Variants in TENM3 observed in about 807,000 individuals in gnomAD.
TENM3 encodes teneurin-3.
TENM3 carries 63 observed loss-of-function variants against 255.1 expected under a neutral mutation model. The ratio of observed to expected loss-of-function variants is 0.25; its 90% CI spans 0.20 to 0.30. The LOEUF (loss-of-function observed/expected upper bound fraction) is 0.30, where lower values mean the gene tolerates loss of function less well. TENM3 is among the 10% of genes least tolerant of loss of function. The probability of loss-of-function intolerance (pLI) is 1.00; values close to 1 mark genes in which losing one functional copy is unlikely to be tolerated. For missense variants in TENM3, 2,929 were observed against 3,461.1 expected (o/e 0.85, Z 3.86); for synonymous variants, 1,306 against 1,322.3 (o/e 0.99, Z 0.27).
chr4:182,027,234 G>A, the TENM3 span, among the ~76,000 whole-genome samples: 7 of 152,030 alleles, frequency 4.6e-5, no homozygotes, highest in Admixed American at 4.6e-4. Context: ...TTTATTGATG[G>A]CTATTGTAAA....
intron 4 of TENM3, among the ~76,000 whole-genome samples, chr4:182,616,346 G>T (rs557247074): frequency 1.3e-5 from 2 of 149,224 alleles, no homozygotes; most frequent in Admixed American, 1.4e-4. Flanking sequence ...CATAGGAAGG[G>T]GAATATCACA....
the TENM3 span, among the ~76,000 whole-genome samples, chr4:181,589,831 C>A: frequency 7.9e-5 from 12 of 152,164 alleles, no homozygotes; most frequent in Non-Finnish European, 1.5e-5. Flanking sequence ...ATTCTCTCAG[C>A]CTCAACTTCC....
At chr4:181,552,691 G>A in the TENM3 span, among the ~76,000 whole-genome samples, 2 of 152,258 alleles carry the variant, frequency 1.3e-5, no homozygotes, top group East Asian at 3.9e-4. Flanking sequence ...ATGTTCTTCT[G>A]GGTGGTTGAG....
the TENM3 span, among the ~76,000 whole-genome samples, chr4:182,059,745 C>CAAAAAAA: frequency 4.5e-4 from 19 of 42,570 alleles, no homozygotes; most frequent in African/African-American, 1.6e-3. Flanking sequence ...TCTGTCTCTA[C>CAAAAAAA]AAAAAAAAAA....
At chr4:182,335,141 C>T (rs1764019849) in intron 2 of TENM3, among the ~76,000 whole-genome samples, 1 of 151,882 alleles carries the variant, frequency 6.6e-6, no homozygotes, top group Admixed American at 6.6e-5. Flanking sequence ...ATTTTACTCC[C>T]CTGAAACTTC....
Position 182,680,724 on chromosome 4 carries a change from A to C in TENM3, c.1821A>C (p.Glu607Asp), listed in dbSNP as rs758163533. The change falls in exon 10 of 28, where the codon GAA becomes GAC. Residue 607 changes from glutamate (E) to aspartate (D), a missense_variant. Glu to Asp is a conservative substitution (Grantham distance 45, BLOSUM62 2). Transcript: ENST00000511685. Reference sequence around the variant, plus strand: ...CTTGCAACTCAGGATACAAAGGAGAAAGTTGTGAAGAAGGTAAACATGTCA... The same window carrying C: ...CTTGCAACTCAGGATACAAAGGAGACAGTTGTGAAGAAGGTAAACATGTCA... ...SCACNSGYKGESCEEADCIDP... is the reference protein window; with the variant it reads ...SCACNSGYKGDSCEEADCIDP... 27 of 1,563,166 alleles carry C rather than the reference A, an allele frequency of 1.7e-5. No homozygotes were observed. Among genetic ancestry groups the C allele is most frequent in the Non-Finnish European group, 2.2e-5 (26 of 1,157,286 alleles).
At chr4:181,726,215 G>A in the TENM3 span, among the ~76,000 whole-genome samples, 50 of 151,554 alleles carry the variant, frequency 3.3e-4, no homozygotes, top group Admixed American at 2.8e-3. Context: ...AAAATAAAAC[G>A]CACATAATTT....
chr4:182,709,337 G>GT (rs1338884892), intron 12 of TENM3, among the ~76,000 whole-genome samples: 1 of 152,026 alleles, frequency 6.6e-6, no homozygotes, highest in Non-Finnish European at 1.5e-5. Flanking sequence ...ACCCATTTTT[G>GT]TAAGAGTTTT....
chr4:181,970,920 C>A, the TENM3 span, among the ~76,000 whole-genome samples: 1 of 152,132 alleles, frequency 6.6e-6, no homozygotes, highest in East Asian at 1.9e-4. Flanking sequence ...AGCTTTTTTT[C>A]ATGCTACAGT....
the TENM3 span, among the ~76,000 whole-genome samples, chr4:181,574,524 C>CGAG: frequency 4.2e-4 from 62 of 147,836 alleles, no homozygotes; most frequent in Non-Finnish European, 8.2e-4. Context: ...GGCGACAGAG[C>CGAG]GAGACTCCGT....
chr4:181,520,560 C>G, the TENM3 span, among the ~76,000 whole-genome samples: 13 of 151,902 alleles, frequency 8.6e-5, no homozygotes, highest in Non-Finnish European at 1.6e-4. Context: ...ACAAAAAAAC[C>G]TCTAGTTTTT....
chr4:182,354,703 C>T (rs1331395870), intron 3 of TENM3, among the ~76,000 whole-genome samples: 2 of 152,126 alleles, frequency 1.3e-5, no homozygotes, highest in South Asian at 4.1e-4. Flanking sequence ...TTGACGAGAT[C>T]GTTTTCCATA....
At chr4:182,755,560 C>T (rs1374091034) in intron 22 of TENM3, among the ~76,000 whole-genome samples, 2 of 151,994 alleles carry the variant, frequency 1.3e-5, no homozygotes, top group East Asian at 3.9e-4. Flanking sequence ...AAAAAATGGC[C>T]GGGCGCAGTG....
chr4:181,847,932 T>TG, the TENM3 span, among the ~76,000 whole-genome samples: 1 of 152,182 alleles, frequency 6.6e-6, no homozygotes, highest in Non-Finnish European at 1.5e-5. Context: ...CTGAAAAGAC[T>TG]AAAATTCACA....
chr4:181,647,019 C>T, the TENM3 span, among the ~76,000 whole-genome samples: 4 of 152,056 alleles, frequency 2.6e-5, no homozygotes, highest in East Asian at 1.9e-4. Context: ...ATGAGTAAAG[C>T]GCCCCAAGAA....
chr4:181,818,597 G>A, the TENM3 span, among the ~76,000 whole-genome samples: 4 of 147,578 alleles, frequency 2.7e-5, no homozygotes, highest in Admixed American at 7.1e-5. Context: ...CATAGTGCAT[G>A]GTGCAGTAAA....
At chr4:181,523,893 T>C in the TENM3 span, among the ~76,000 whole-genome samples, 1 of 152,180 alleles carries the variant, frequency 6.6e-6, no homozygotes, top group African/African-American at 2.4e-5. Flanking sequence ...AAGAGCTCAA[T>C]CATCTCTGAA....
the TENM3 span, among the ~76,000 whole-genome samples, chr4:181,694,132 G>A: frequency 6.6e-6 from 1 of 152,048 alleles, no homozygotes; most frequent in African/African-American, 2.4e-5. Flanking sequence ...CCAAAACATG[G>A]TAAAGTTTCT....
At chr4:181,799,729 A>C in the TENM3 span, among the ~76,000 whole-genome samples, 1 of 152,214 alleles carries the variant, frequency 6.6e-6, no homozygotes, top group Admixed American at 6.5e-5. Flanking sequence ...ATAATAATAG[A>C]TGAGTACAAA....
Sources: allele counts gnomAD v4.1 joint callset (sites outside exome capture counted in the v4.1 genomes callset), GRCh38; gene constraint gnomAD v4.1.1; transcripts MANE v1.5; gene names NCBI Gene and HGNC (gene_info 2026-07-23, HGNC 2026-07-21).